CCDC60: variants seen among roughly 807,000 people sequenced by gnomAD.
The protein encoded by CCDC60 is coiled-coil domain-containing protein 60.
Under a neutral mutation model 63.5 loss-of-function variants are expected in CCDC60, and 54 were observed. The ratio of observed to expected loss-of-function variants is 0.85; its 90% CI spans 0.68 to 1.07. CCDC60 has a LOEUF of 1.07. CCDC60 is among the 50% of genes least tolerant of loss of function. The pLI, the probability that CCDC60 is intolerant of heterozygous loss-of-function variation, is 0.00. For synonymous variants in CCDC60, 206 were observed against 238.8 expected (o/e 0.86, Z 1.27); for missense variants, 651 against 684.3 (o/e 0.95, Z 0.54).
At position 119,349,253 on chromosome 12, in the gene CCDC60, G is replaced by A. The variant is rs554421414; in HGVS notation, c.90+13987G>A. ...CCACCCACTTTGAGAAGCTTTGGGG[G>A]ATAGAAAAAACATTGACTGCATCTT... On this transcript the variant is annotated intron_variant, in intron 1 of 13. Coordinates refer to ENST00000327554, the MANE Select transcript of CCDC60 (RefSeq NM_178499.5). Among the ~76,000 whole-genome samples, 31 of 151,794 alleles carry A rather than the reference G, an allele frequency of 2.0e-4. No individual in the cohort carries two copies. In the Middle Eastern group the frequency reaches 0.01, roughly 51 times the overall value.
intron 2 of CCDC60, among the ~76,000 whole-genome samples, chr12:119,448,828 G>A (rs1354359578): frequency 1.3e-5 from 2 of 152,126 alleles, no homozygotes; most frequent in African/African-American, 2.4e-5. Flanking sequence ...CCCTAATTGG[G>A]ATGCATATAG....
At chr12:119,432,674 G>A (rs1206535703) in intron 2 of CCDC60, among the ~76,000 whole-genome samples, 10 of 152,166 alleles carry the variant, frequency 6.6e-5, no homozygotes, top group Admixed American at 6.5e-5. Flanking sequence ...TAAGGAGGGC[G>A]ACAAAGCAGT....
In CCDC60 at chr12:119,353,784, G is replaced by A. The variant is rs555555461; in HGVS notation, c.90+18518G>A. On this transcript the variant is annotated intron_variant, in intron 1 of 13. Transcript: ENST00000327554. ...CACCACACCCAGAGGGTGAGAAAAAGGGGTGTGGCTGGGCGCAGTGGCTTA... is the reference window on the plus strand; with the variant it reads ...CACCACACCCAGAGGGTGAGAAAAAAGGGTGTGGCTGGGCGCAGTGGCTTA... Among the ~76,000 whole-genome samples the A allele has an allele frequency of 7.9e-5, 12 of 151,994 alleles. No individual in the cohort carries two copies. The South Asian group carries it at 2.3e-3, about 29-fold the overall frequency.
chr12:119,335,556 T>A (rs965491404), intron 1 of CCDC60, among the ~76,000 whole-genome samples: 9 of 151,004 alleles, frequency 6.0e-5, no homozygotes, highest in African/African-American at 2.2e-4. Flanking sequence ...CCAGTGATGA[T>A]GAGCATTTTT....
chr12:119,347,428 A>C (rs997403957), intron 1 of CCDC60, among the ~76,000 whole-genome samples: 1 of 152,196 alleles, frequency 6.6e-6, no homozygotes, highest in Non-Finnish European at 1.5e-5. Flanking sequence ...TCCAAAAAAA[A>C]TTCTGTATCA....
chr12:119,417,462 T>C (rs1956722924), intron 1 of CCDC60, among the ~76,000 whole-genome samples: 1 of 152,150 alleles, frequency 6.6e-6, no homozygotes. Flanking sequence ...TCTCTTACTT[T>C]ATCTCTTTTA....
intron 1 of CCDC60, among the ~76,000 whole-genome samples, chr12:119,370,670 G>C (rs1266099872): frequency 6.6e-6 from 1 of 152,182 alleles, no homozygotes; most frequent in African/African-American, 2.4e-5. Context: ...CAGAAGTTCA[G>C]TAATAATTTA....
intron 1 of CCDC60, among the ~76,000 whole-genome samples, chr12:119,337,855 TG>T (rs1955490030): frequency 6.6e-6 from 1 of 151,876 alleles, no homozygotes. Context: ...TGTGTGTGTG[TG>T]TGTGTGTGTC....
intron 1 of CCDC60, among the ~76,000 whole-genome samples, chr12:119,353,690 C>T (rs929116105): frequency 6.8e-6 from 1 of 146,096 alleles, no homozygotes; most frequent in Non-Finnish European, 1.5e-5. Flanking sequence ...TTACTGCAAC[C>T]TCTGCCTCCA....
chr12:119,356,586 A>G (rs913176737), intron 1 of CCDC60, among the ~76,000 whole-genome samples: 2 of 152,226 alleles, frequency 1.3e-5, no homozygotes, highest in Admixed American at 1.3e-4. Context: ...GTCCCCAGAT[A>G]CAGGCACTGT....
chr12:119,370,007 G>T (rs1955881775), intron 1 of CCDC60, among the ~76,000 whole-genome samples: 1 of 152,094 alleles, frequency 6.6e-6, no homozygotes, highest in South Asian at 2.1e-4. Context: ...ATTCAGCTTG[G>T]GGATAAGGAC....
chr12:119,416,846 C>G (rs749443433), intron 1 of CCDC60, among the ~76,000 whole-genome samples: 5 of 152,060 alleles, frequency 3.3e-5, no homozygotes, highest in Admixed American at 1.3e-4. Context: ...CCCGGCCGGT[C>G]GACGTGGCTC....
At chr12:119,498,890 G>A (rs1302526465) in intron 5 of CCDC60, among the ~76,000 whole-genome samples, 1 of 152,122 alleles carries the variant, frequency 6.6e-6, no homozygotes, top group African/African-American at 2.4e-5. Flanking sequence ...CTTCCCCATA[G>A]CCACAAGTCC....
chr12:119,417,114 C>CT (rs1956715059), intron 1 of CCDC60, among the ~76,000 whole-genome samples: 1 of 152,088 alleles, frequency 6.6e-6, no homozygotes, highest in Non-Finnish European at 1.5e-5. Flanking sequence ...GAGCGAAACT[C>CT]TGTCTAAAAA....
At chr12:119,347,896 C>T (rs1955614092) in intron 1 of CCDC60, among the ~76,000 whole-genome samples, 1 of 152,152 alleles carries the variant, frequency 6.6e-6, no homozygotes, top group Admixed American at 6.6e-5. Context: ...CCTTCAAAAT[C>T]GAAGCCAATG....
At chr12:119,421,335 A>G (rs1217466470) in intron 1 of CCDC60, among the ~76,000 whole-genome samples, 2 of 152,190 alleles carry the variant, frequency 1.3e-5, no homozygotes, top group Non-Finnish European at 2.9e-5. Context: ...TGGAGGTAGT[A>G]TCTGTAAATC....
intron 1 of CCDC60, among the ~76,000 whole-genome samples, chr12:119,408,383 G>A (rs1270057084): frequency 6.6e-6 from 1 of 152,178 alleles, no homozygotes; most frequent in Non-Finnish European, 1.5e-5. Context: ...TGGCAGCTGG[G>A]CCTACAGTTA....
Position 119,518,825 on chromosome 12 carries a change from A to G in CCDC60, c.969-1296A>G, listed in dbSNP as rs2285401. 6.2e-4 allele frequency among the ~76,000 whole-genome samples: 95 copies of G among 152,254 alleles called. No individual in the cohort carries two copies. The East Asian group carries it at 7.9e-3, about 13-fold the overall frequency. On this transcript the variant is annotated intron_variant, in intron 8 of 13. Transcript: ENST00000327554. ...TTCACCATTACCATCACCCCATCCC[A>G]TATATGTCAAAGAGCAACAAGCAGT...
chr12:119,362,557 A>G (rs1955801715), intron 1 of CCDC60, among the ~76,000 whole-genome samples: 1 of 152,098 alleles, frequency 6.6e-6, no homozygotes. Context: ...GCTCACCATT[A>G]TATCTGGGTG....
Sources: gnomAD v4.1 joint callset for allele counts (sites outside exome capture counted in the v4.1 genomes callset) on GRCh38, gnomAD v4.1.1 for gene constraint, MANE v1.5 for transcripts, NCBI Gene and HGNC (gene_info 2026-07-23, HGNC 2026-07-21) for gene names.